NEK1: variants seen among roughly 807,000 people sequenced by gnomAD.
The protein encoded by NEK1 is serine/threonine-protein kinase Nek1.
Under a neutral mutation model 182.1 loss-of-function variants are expected in NEK1, and 137 were observed. The ratio of observed to expected loss-of-function variants is 0.75; its 90% CI spans 0.65 to 0.87. The LOEUF is 0.87. NEK1 is among the 40% of genes least tolerant of loss of function. NEK1 has a pLI of 0.00. For synonymous variants in NEK1, 513 were observed against 492.2 expected (o/e 1.04, Z -0.56); for missense variants, 1,391 against 1,494.4 (o/e 0.93, Z 1.14).
intron 24 of NEK1, among the ~76,000 whole-genome samples, chr4:169,479,034 G>C (rs1047208539): frequency 2.0e-5 from 3 of 152,072 alleles, no homozygotes; most frequent in Admixed American, 6.6e-5. Context: ...CTAATACCTA[G>C]AGCTACTTTA....
chr4:169,422,802 T>G lies in NEK1; in HGVS notation c.3222+1751A>C, dbSNP rs145403698. ...CATAAAAGAAAATCAAACAATCAAA[T>G]GTATTATGCAAAGAATATTAACTTT... On this transcript the variant is annotated intron_variant, in intron 31 of 35. Coordinates refer to ENST00000507142, the MANE Select transcript of NEK1 (RefSeq NM_001199397.3). 4.7e-4 allele frequency among the ~76,000 whole-genome samples: 71 copies of G among 152,286 alleles called. No individual in the cohort carries two copies. In the East Asian group the frequency reaches 0.011, roughly 24 times the overall value.
chr4:169,402,033 C>T (rs189788963), intron 32 of NEK1, among the ~76,000 whole-genome samples, 173 bp from the exon 33 acceptor site: 6 of 152,190 alleles, frequency 3.9e-5, no homozygotes, highest in South Asian at 2.1e-4. Context: ...TGTTTTTCAC[C>T]GGTAAATTGA....
intron 23 of NEK1, among the ~76,000 whole-genome samples, chr4:169,486,088 A>G (rs1263393692): frequency 6.6e-6 from 1 of 152,170 alleles, no homozygotes; most frequent in Non-Finnish European, 1.5e-5. Context: ...TCAAAGTTTA[A>G]CCACAGTTTT....
chr4:169,515,409 T>C (rs1755011188), intron 19 of NEK1, among the ~76,000 whole-genome samples: 1 of 152,186 alleles, frequency 6.6e-6, no homozygotes, highest in East Asian at 1.9e-4. Flanking sequence ...TGTGAACCTG[T>C]TTACTTCTTC....
chr4:169,562,993 A>G (rs1427465566), intron 12 of NEK1, among the ~76,000 whole-genome samples: 1 of 152,116 alleles, frequency 6.6e-6, no homozygotes, highest in African/African-American at 2.4e-5. Context: ...TCATGGATAT[A>G]TAGCATTCTA....
intron 23 of NEK1, among the ~76,000 whole-genome samples, chr4:169,500,985 C>T (rs914117563): frequency 5.3e-5 from 8 of 152,254 alleles, no homozygotes; most frequent in African/African-American, 1.9e-4. Flanking sequence ...AAACAAGACC[C>T]AACCATCTGC....
At chr4:169,418,361 T>C (rs1043646608) in intron 31 of NEK1, among the ~76,000 whole-genome samples, 3 of 152,188 alleles carry the variant, frequency 2.0e-5, no homozygotes, top group Admixed American at 6.5e-5. Flanking sequence ...CCTAGGAATA[T>C]AATATTCACA....
chr4:169,495,786 T>C (rs920810319), intron 23 of NEK1, among the ~76,000 whole-genome samples: 4 of 152,222 alleles, frequency 2.6e-5, no homozygotes, highest in Non-Finnish European at 5.9e-5. Flanking sequence ...ACCAGTACCA[T>C]GCTGTTTTGG....
At chr4:169,523,412 G>C (rs948894318) in intron 19 of NEK1, among the ~76,000 whole-genome samples, 1 of 152,198 alleles carries the variant, frequency 6.6e-6, no homozygotes, top group African/African-American at 2.4e-5. Context: ...TTTGAAGACA[G>C]ACTCACACAC....
At chr4:169,444,886 C>A (rs1196342778) in intron 27 of NEK1, among the ~76,000 whole-genome samples, 1 of 152,158 alleles carries the variant, frequency 6.6e-6, no homozygotes, top group Non-Finnish European at 1.5e-5. Context: ...AACGTAACTA[C>A]TTCATATCAA....
chr4:169,561,359 T>C (rs561917306), intron 16 of NEK1, 121 bp downstream of exon 16: 53 of 798,282 alleles, frequency 6.6e-5, no homozygotes, highest in Non-Finnish European at 1.1e-4. Context: ...TAAAGAATTC[T>C]AGGTAAAAAT....
At chr4:169,442,514 T>C (rs1379446096) in intron 27 of NEK1, among the ~76,000 whole-genome samples, 1 of 152,104 alleles carries the variant, frequency 6.6e-6, no homozygotes, top group African/African-American at 2.4e-5. Flanking sequence ...CAGATATCAA[T>C]ATAAGGACAC....
At chr4:169,541,454 CAG>C (rs1416769686) in intron 18 of NEK1, among the ~76,000 whole-genome samples, 6 of 151,986 alleles carry the variant, frequency 3.9e-5, no homozygotes, top group Non-Finnish European at 8.8e-5. Context: ...GTAGACTGGT[CAG>C]AGTTACTGAT....
chr4:169,570,493 CGGAA>C (rs1220440630), intron 12 of NEK1, among the ~76,000 whole-genome samples: 2 of 150,102 alleles, frequency 1.3e-5, no homozygotes, highest in African/African-American at 4.9e-5. Flanking sequence ...CCGCCCCGTC[CGGAA>C]GGGAGGTGGG....
At chr4:169,472,141 C>A (rs149763723) in intron 26 of NEK1, among the ~76,000 whole-genome samples, 22 of 151,990 alleles carry the variant, frequency 1.4e-4, no homozygotes, top group African/African-American at 4.1e-4. Flanking sequence ...TGCTGGCATT[C>A]CAGGTGCCAC....
At chr4:169,569,029 G>A (rs1298136612) in intron 12 of NEK1, among the ~76,000 whole-genome samples, 1 of 151,520 alleles carries the variant, frequency 6.6e-6, no homozygotes, top group Non-Finnish European at 1.5e-5. Context: ...CTGGGGATAT[G>A]TTTTACGCTT....
chr4:169,584,854 C>T (rs1057424598), intron 10 of NEK1, among the ~76,000 whole-genome samples: 3 of 152,032 alleles, frequency 2.0e-5, no homozygotes, highest in Non-Finnish European at 2.9e-5. Flanking sequence ...AGAGGAATAA[C>T]GCATAACTGG....
chr4:169,429,088 C>T (rs1295656729), intron 29 of NEK1, among the ~76,000 whole-genome samples: 1 of 148,368 alleles, frequency 6.7e-6, no homozygotes, highest in Non-Finnish European at 1.5e-5. Flanking sequence ...GATGCAAACC[C>T]GTGTACACAG....
intron 31 of NEK1, among the ~76,000 whole-genome samples, chr4:169,424,075 TA>T (rs1735940165): frequency 1.3e-5 from 2 of 152,210 alleles, no homozygotes; most frequent in Admixed American, 1.3e-4. Flanking sequence ...TCTGTAGAGA[TA>T]TTTTTTATAA....
Sources: gnomAD v4.1 joint callset for allele counts (sites outside exome capture counted in the v4.1 genomes callset) on GRCh38, gnomAD v4.1.1 for gene constraint, MANE v1.5 for transcripts, NCBI Gene and HGNC (gene_info 2026-07-23, HGNC 2026-07-21) for gene names.